PLEKHA2: variants seen among roughly 807,000 people sequenced by gnomAD.
PLEKHA2 encodes the protein pleckstrin homology domain-containing family A member 2.
Under a neutral mutation model 53.2 loss-of-function variants are expected in PLEKHA2, and 28 were observed. The observed-to-expected ratio is 0.53, with a 90% CI of 0.39 to 0.72. PLEKHA2 has a LOEUF of 0.72. Among genes scored for constraint, PLEKHA2 ranks in the 30% least tolerant of loss-of-function variants. PLEKHA2 has a pLI of 0.00. For synonymous variants in PLEKHA2, 193 were observed against 196.4 expected, an observed-to-expected ratio of 0.98 and a Z score of 0.14; for missense variants, 426 against 537.9, an observed-to-expected ratio of 0.79 and a Z score of 2.06.
intron 2 of PLEKHA2, among the ~76,000 whole-genome samples, chr8:38,929,737 G>A (rs1470073735): frequency 1.3e-5 from 2 of 152,202 alleles, no homozygotes; most frequent in East Asian, 3.9e-4. Flanking sequence ...GCACCAGATT[G>A]ATGTTAGGAG....
intron 2 of PLEKHA2, among the ~76,000 whole-genome samples, chr8:38,932,289 C>A (rs1384078884): frequency 6.6e-6 from 1 of 152,200 alleles, no homozygotes; most frequent in East Asian, 1.9e-4. Context: ...CGCCACTGCA[C>A]CTGGTCATTC....
At chr8:38,923,874 CAG>C (rs1173837953) in intron 2 of PLEKHA2, among the ~76,000 whole-genome samples, 9 of 152,068 alleles carry the variant, frequency 5.9e-5, no homozygotes, top group African/African-American at 9.7e-5. Flanking sequence ...TTTTTTAAGA[CAG>C]AGTCTCACTC....
At chr8:38,944,448 C>T (rs1393798816) in intron 4 of PLEKHA2, among the ~76,000 whole-genome samples, 2 of 151,212 alleles carry the variant, frequency 1.3e-5, no homozygotes, top group East Asian at 1.9e-4. Flanking sequence ...ACCCAGGAGG[C>T]GGAGGTTGCA....
At chr8:38,948,604 T>C (rs1340524818) in intron 5 of PLEKHA2, among the ~76,000 whole-genome samples, 1 of 152,172 alleles carries the variant, frequency 6.6e-6, no homozygotes, top group Non-Finnish European at 1.5e-5. Context: ...TCTCGTTGTC[T>C]TTGTGGGGGC....
chr8:38,902,329 C>CG (rs1458142118), intron 1 of PLEKHA2, among the ~76,000 whole-genome samples: 2 of 152,134 alleles, frequency 1.3e-5, no homozygotes, highest in Non-Finnish European at 2.9e-5. Context: ...ATCTCCTCCC[C>CG]GGGGCCAGCC....
chr8:38,903,972 C>A (rs1265983058), intron 1 of PLEKHA2, among the ~76,000 whole-genome samples: 3 of 152,104 alleles, frequency 2.0e-5, no homozygotes, highest in Non-Finnish European at 4.4e-5. Context: ...CTCCAGCAAT[C>A]TAATCTGGTA....
rs1263115850 is a variant in PLEKHA2, at chr8:38,936,097, C to A, written c.198+47C>A. The A allele has an allele frequency of 1.9e-6, 3 of 1,585,944 alleles. 1 individual carries two copies. The South Asian group carries it at 3.3e-5, about 18-fold the overall frequency. On this transcript the variant is annotated intron_variant, in intron 3 of 11. Coordinates refer to ENST00000617275, the MANE Select transcript of PLEKHA2 (RefSeq NM_021623.2). Reference sequence around the variant, plus strand: ...GGGAATTCATGCTCTGTAAGTCGATCTGGTTTCTAAGCAAGGGGAAGTGTC... The same window carrying A: ...GGGAATTCATGCTCTGTAAGTCGATATGGTTTCTAAGCAAGGGGAAGTGTC...
At chr8:38,918,442 C>G (rs987584908) in intron 2 of PLEKHA2, among the ~76,000 whole-genome samples, 1 of 113,510 alleles carries the variant, frequency 8.8e-6, no homozygotes, top group Admixed American at 9.4e-5. Flanking sequence ...CATACACACA[C>G]ACAACCCATA....
intron 2 of PLEKHA2, among the ~76,000 whole-genome samples, chr8:38,929,444 T>C (rs559052692): frequency 6.6e-6 from 1 of 152,206 alleles, no homozygotes; most frequent in Non-Finnish European, 1.5e-5. Context: ...GATAATCAGC[T>C]CTTAGATAAT....
At chr8:38,948,147 T>C (rs1185948743) in intron 5 of PLEKHA2, among the ~76,000 whole-genome samples, 3 of 151,860 alleles carry the variant, frequency 2.0e-5, no homozygotes. Context: ...GGAATTCATC[T>C]GGGTCATTTA....
chr8:38,952,207 C>G lies in PLEKHA2; in HGVS notation c.528C>G (p.His176Gln). The change falls in exon 7 of 12, where the codon CAC (histidine) becomes CAG (glutamine). Residue 176 changes from histidine (H) to glutamine (Q), a missense_variant. Transcript: ENST00000617275. ...DGQEGSEPGSHTILRRSQSYI... is the reference protein window; with the variant it reads ...DGQEGSEPGSQTILRRSQSYI... ...AGGAAGGGAGTGAGCCCGGGTCCCA[C>G]ACCATCCTTCGAAGGTCTCAGAGTT... is the stretch of plus-strand genomic sequence containing the variant. The G allele has an allele frequency of 6.2e-7, 1 of 1,613,246 alleles. No homozygotes were observed. Among genetic ancestry groups the G allele is most frequent in the East Asian group, 2.2e-5 (1 of 44,870 alleles).
intron 2 of PLEKHA2, among the ~76,000 whole-genome samples, chr8:38,934,820 A>G (rs1358041669): frequency 2.0e-5 from 3 of 151,802 alleles, no homozygotes; most frequent in Non-Finnish European, 4.4e-5. Context: ...ACAGATGTAT[A>G]TATATATATA....
chr8:38,909,546 T>C (rs1487893576), intron 1 of PLEKHA2, among the ~76,000 whole-genome samples: 2 of 152,326 alleles, frequency 1.3e-5, no homozygotes, highest in East Asian at 3.9e-4. Flanking sequence ...TTATGAGCCT[T>C]GCAAAGTTAT....
intron 7 of PLEKHA2, 30 bp downstream of exon 7, chr8:38,952,342 G>T: frequency 6.2e-7 from 1 of 1,606,268 alleles, no homozygotes; most frequent in South Asian, 1.1e-5. Flanking sequence ...CTGAATTGGG[G>T]TTCTGGTGAC....
chr8:38,908,674 A>T (rs904236760), intron 1 of PLEKHA2, among the ~76,000 whole-genome samples: 1 of 152,240 alleles, frequency 6.6e-6, no homozygotes, highest in Non-Finnish European at 1.5e-5. Flanking sequence ...AACAGACCGT[A>T]TATAGGAATA....
intron 10 of PLEKHA2, among the ~76,000 whole-genome samples, chr8:38,966,515 C>T (rs755435093): frequency 6.6e-6 from 1 of 152,150 alleles, no homozygotes; most frequent in Non-Finnish European, 1.5e-5. Context: ...CATGTAACAC[C>T]GGGTGGGGCC....
At chr8:38,912,511 A>G (rs1374592159) in intron 1 of PLEKHA2, among the ~76,000 whole-genome samples, 1 of 152,190 alleles carries the variant, frequency 6.6e-6, no homozygotes, top group Non-Finnish European at 1.5e-5. Context: ...TTGCTAGAAT[A>G]GTAGAAGCTA....
chr8:38,960,088 G>T (rs1474807575), intron 10 of PLEKHA2, among the ~76,000 whole-genome samples: 2 of 152,162 alleles, frequency 1.3e-5, no homozygotes, highest in Admixed American at 6.6e-5. Context: ...ACCAAAAAAT[G>T]TTCCAAAGAT....
At chr8:38,904,062 T>C (rs910054501) in intron 1 of PLEKHA2, among the ~76,000 whole-genome samples, 1 of 152,124 alleles carries the variant, frequency 6.6e-6, no homozygotes, top group Non-Finnish European at 1.5e-5. Context: ...CCCTGCCTGA[T>C]ATGAGCCCAT....
Sources: allele counts gnomAD v4.1 joint callset (sites outside exome capture counted in the v4.1 genomes callset), GRCh38; gene constraint gnomAD v4.1.1; transcripts MANE v1.5; gene names NCBI Gene and HGNC (gene_info 2026-07-23, HGNC 2026-07-21).